The following DNAH6 variants were observed in gnomAD, a reference collection of about 807,000 sequenced individuals.
DNAH6 encodes axonemal beta dynein heavy chain 6.
Under a neutral mutation model 491.4 loss-of-function variants are expected in DNAH6, and 340 were observed. The observed-to-expected ratio is 0.69, with a 90% CI of 0.63 to 0.76. The LOEUF (loss-of-function observed/expected upper bound fraction) is 0.76. Among genes scored for constraint, DNAH6 ranks in the 30% least tolerant of loss-of-function variants. The pLI, the probability that DNAH6 is intolerant of heterozygous loss-of-function variation, is 0.00. For missense variants in DNAH6, 4,443 were observed against 4,972.2 expected (o/e 0.89, Z 3.20); for synonymous variants, 1,603 against 1,686.1 (o/e 0.95, Z 1.21).
intron 18 of DNAH6, among the ~76,000 whole-genome samples, chr2:84,597,301 A>G (rs1437500978): frequency 2.6e-5 from 4 of 152,216 alleles, no homozygotes; most frequent in Non-Finnish European, 4.4e-5. Flanking sequence ...ACCCTTTAAA[A>G]TGGGCAAAAG....
intron 41 of DNAH6, among the ~76,000 whole-genome samples, chr2:84,680,568 G>T (rs764398481): frequency 6.6e-6 from 1 of 152,032 alleles, no homozygotes; most frequent in Non-Finnish European, 1.5e-5. Context: ...GAGCAGCAGT[G>T]CAGGGGCCTG....
chr2:84,596,684 G>T (rs1161076489), intron 18 of DNAH6, among the ~76,000 whole-genome samples: 1 of 151,438 alleles, frequency 6.6e-6, no homozygotes, highest in South Asian at 2.1e-4. Context: ...AAAAACAAAT[G>T]TGGAGAAGAA....
At chr2:84,658,595 G>T in intron 36 of DNAH6, 121 bp downstream of exon 36, 1 of 662,892 alleles carries the variant, frequency 1.5e-6, no homozygotes, top group Non-Finnish European at 2.4e-6. Context: ...ATTTTTCAGG[G>T]GACTAATAGC....
At chr2:84,556,275 G>A (rs1012840105) in intron 10 of DNAH6, among the ~76,000 whole-genome samples, 1 of 152,178 alleles carries the variant, frequency 6.6e-6, no homozygotes, top group African/African-American at 2.4e-5. Flanking sequence ...GTAGTACCCG[G>A]TCACAGTTTG....
At chr2:84,483,538 G>A in the DNAH6 span, among the ~76,000 whole-genome samples, 3 of 151,956 alleles carry the variant, frequency 2.0e-5, no homozygotes, top group African/African-American at 7.3e-5. Context: ...AGTCATGGTG[G>A]GTTATGTGCT....
At chr2:84,525,450 A>G in intron 2 of DNAH6, 115 bp from the exon 3 acceptor site, 1 of 1,048,088 alleles carries the variant, frequency 9.5e-7, no homozygotes, top group East Asian at 2.7e-5. Context: ...CTTTGATAGG[A>G]AATTAGTCCA....
intron 64 of DNAH6, 23 bp downstream of exon 64, chr2:84,762,968 T>A: frequency 1.3e-6 from 2 of 1,532,276 alleles, no homozygotes; most frequent in Non-Finnish European, 1.8e-6. Flanking sequence ...TGTGCAGTTT[T>A]AATAATGCAA....
intron 10 of DNAH6, among the ~76,000 whole-genome samples, chr2:84,555,626 T>C (rs13034783): frequency 0.1 from 15,470 of 152,174 alleles, 959 homozygotes; most frequent in Non-Finnish European, 0.13. Flanking sequence ...GATCCAATAC[T>C]TTTCTTTTAA....
At chr2:84,604,652 T>C in intron 19 of DNAH6, 101 bp downstream of exon 19, 1 of 810,966 alleles carries the variant, frequency 1.2e-6, no homozygotes, top group South Asian at 1.8e-5. Context: ...CGTTGCAGCT[T>C]TCACTCTCTC....
intron 70 of DNAH6, among the ~76,000 whole-genome samples, chr2:84,800,129 A>T (rs927447281): frequency 6.6e-6 from 1 of 152,210 alleles, no homozygotes; most frequent in African/African-American, 2.4e-5. Context: ...ACAAACCTCT[A>T]TGTAACCAAA....
chr2:84,650,160 C>A (rs1690303393), intron 33 of DNAH6, among the ~76,000 whole-genome samples: 1 of 151,974 alleles, frequency 6.6e-6, no homozygotes, highest in Non-Finnish European at 1.5e-5. Context: ...ATTTGATCAA[C>A]TTCTTAAATC....
intron 10 of DNAH6, among the ~76,000 whole-genome samples, chr2:84,554,346 CAA>C (rs1329370904): frequency 6.6e-6 from 1 of 152,152 alleles, no homozygotes; most frequent in Non-Finnish European, 1.5e-5. Flanking sequence ...CACCCATACT[CAA>C]GAGGAGGGGA....
chr2:84,622,956 G>A (rs535489485), intron 26 of DNAH6, among the ~76,000 whole-genome samples: 41 of 151,918 alleles, frequency 2.7e-4, no homozygotes, highest in African/African-American at 8.0e-4. Flanking sequence ...TCATATATCC[G>A]GTTAGCCCTT....
chr2:84,597,358 A>G (rs536877159), intron 18 of DNAH6, among the ~76,000 whole-genome samples: 4 of 152,356 alleles, frequency 2.6e-5, no homozygotes, highest in Admixed American at 2.6e-4. Context: ...AAGATGCTGA[A>G]CACCATTAGT....
intron 45 of DNAH6, among the ~76,000 whole-genome samples, chr2:84,689,059 C>T (rs1159779601): frequency 6.6e-6 from 1 of 152,212 alleles, no homozygotes; most frequent in Non-Finnish European, 1.5e-5. Context: ...GAGCATCCAG[C>T]CTAAATATCT....
At chr2:84,661,943 ATAGACAAAC>A (rs1691546062) in intron 37 of DNAH6, among the ~76,000 whole-genome samples, 1 of 152,236 alleles carries the variant, frequency 6.6e-6, no homozygotes, top group African/African-American at 2.4e-5. Context: ...AGGATATCAA[ATAGACAAAC>A]TAGTATTGAC....
At chr2:84,545,772 T>G (rs918858314) in intron 5 of DNAH6, among the ~76,000 whole-genome samples, 1 of 152,196 alleles carries the variant, frequency 6.6e-6, no homozygotes, top group African/African-American at 2.4e-5. Flanking sequence ...TATTTATAAT[T>G]AGTTAACTAG....
At position 84,701,262 on chromosome 2, in the gene DNAH6, A is replaced by T; in HGVS notation, c.7984A>T (p.Thr2662Ser). 3 of 1,551,854 alleles carry T rather than the reference A, an allele frequency of 1.9e-6. No individual in the cohort carries two copies. The highest frequency in any genetic ancestry group is 2.6e-6 in the Non-Finnish European group (3 of 1,147,012). ...YYNELRRRYY[T>S]TPTSYLELIN... ...CAATGAGCTGCGCAGGCGGTACTAC[A>T]CGACACCCACCTCCTACCTGGAGCT... The change falls in exon 49 of 77, where the codon ACG becomes TCG. Residue 2662 changes from threonine (T) to serine (S), a missense_variant. By Grantham distance (58) the Thr-to-Ser change is moderately conservative (BLOSUM62 1). This residue lies in a region of DNAH6 where 2,977 missense variants were observed against 3,296.6 expected (regional missense o/e 0.90). Transcript: ENST00000389394.
At chr2:84,665,015 A>G (rs1691939078) in intron 37 of DNAH6, among the ~76,000 whole-genome samples, 1 of 152,228 alleles carries the variant, frequency 6.6e-6, no homozygotes, top group Non-Finnish European at 1.5e-5. Context: ...ACATAATGAA[A>G]TGAAGGCAGA....
Sources: allele counts gnomAD v4.1 joint callset (sites outside exome capture counted in the v4.1 genomes callset), GRCh38; gene constraint gnomAD v4.1.1; regional missense constraint gnomAD v4.1.1; transcripts MANE v1.5; gene names NCBI Gene and HGNC (gene_info 2026-07-23, HGNC 2026-07-21).